DIDO1: variants seen among roughly 807,000 people sequenced by gnomAD.
DIDO1 encodes death inducer-obliterator 1.
A neutral mutation model predicts 99.4 loss-of-function variants in DIDO1; 16 were observed. The ratio of observed to expected loss-of-function variants is 0.16; its 90% CI spans 0.11 to 0.24. The LOEUF is 0.24. Among genes scored for constraint, DIDO1 ranks in the 10% least tolerant of loss-of-function variants. DIDO1 has a pLI of 1.00. For missense variants in DIDO1, 2,996 were observed against 3,014.0 expected, an observed-to-expected ratio of 0.99 and a Z score of 0.14; for synonymous variants, 1,366 against 1,239.1, an observed-to-expected ratio of 1.10 and a Z score of -2.15.
At chr20:62,905,798 T>C (rs776876337) in intron 6 of DIDO1, 89 bp downstream of exon 6, 1 of 1,613,242 alleles carries the variant, frequency 6.2e-7, no homozygotes. Flanking sequence ...AACACAAAGC[T>C]GCAACTCCCA....
rs567236889 is a variant in DIDO1 at position 62,920,449 on chromosome 20, T to TG, written c.-200+5989dup. ...GGCACTTTGAGGGAGAGGTGTGTAC[T>TG]GGAACAGCTTTACCGGTGACAGCGC... On this transcript the variant is annotated intron_variant, in intron 1 of 15. Coordinates refer to ENST00000395343, the MANE Select transcript of DIDO1 (RefSeq NM_001193369.2). Among the ~76,000 whole-genome samples the TG allele has an allele frequency of 4.9e-3, 745 of 152,294 alleles. 2 individuals are homozygous for TG. The highest frequency in any genetic ancestry group is 0.031 in the Middle Eastern group (9 of 294).
rs949518161 is a variant in DIDO1 at position 62,878,439 on chromosome 20, G to T, written c.*794C>A. On this transcript the variant is annotated 3_prime_UTR_variant, in exon 16 of 16. Transcript: ENST00000395343. ...AGCGTACTTTTCCCGGGATACAGAA[G>T]AACTGCTCAGAAGGCGAAACTGGAC... is the stretch of plus-strand genomic sequence containing the variant. The T allele has an allele frequency of 5.9e-5, 9 of 152,158 alleles. No individual in the cohort carries two copies. Among genetic ancestry groups the T allele is most frequent in the Non-Finnish European group, 1.3e-4 (9 of 68,038 alleles). 9.4% of individuals were successfully genotyped at this position (152,158 alleles called of 1,614,324 possible).
Position 62,881,371 on chromosome 20 carries a change from A to T in DIDO1, c.4585T>A (p.Leu1529Met). Residue 1529 changes from leucine to methionine, a missense_variant, in exon 16 of 16, where the codon TTG becomes ATG. Physicochemically the swap from Leu to Met is conservative, Grantham distance 15 (BLOSUM62 2). This residue lies in a region of DIDO1 where 1,562 missense variants were observed against 1,412.6 expected (regional missense o/e 1.11). Transcript: ENST00000395343. This position sits in a 1 kb window ranked among gnomAD's most constrained non-coding sequence, Gnocchi z 8.3. ...ALMSPPPKSS[L>M]PKAELFQQEQ... is the part of the protein sequence containing the mutation. ...TGCTGGAACAGCTCTGCCTTGGGCAAGGACGACTTTGGTGGTGGAGACATC... is the reference window on the plus strand; with the variant it reads ...TGCTGGAACAGCTCTGCCTTGGGCATGGACGACTTTGGTGGTGGAGACATC... 1 of 1,606,644 alleles carries T rather than the reference A, an allele frequency of 6.2e-7. No individual in the cohort carries two copies. The highest frequency in any genetic ancestry group is 8.5e-7 in the Non-Finnish European group (1 of 1,179,874).
intron 1 of DIDO1, among the ~76,000 whole-genome samples, chr20:62,918,233 G>C (rs2065073378): frequency 6.6e-6 from 1 of 152,220 alleles, no homozygotes; most frequent in Non-Finnish European, 1.5e-5. Context: ...GCATGGGTTT[G>C]CAACCACTGC....
At position 62,910,865 on chromosome 20, in the gene DIDO1, C is replaced by T; in HGVS notation, c.748G>A (p.Glu250Lys). Reference sequence around the variant, plus strand: ...TTCGGTCGGCCCAAGTCTCCAGGCTCCTCATCTTTGATGTCCTGAGCCGCC... The same window carrying T: ...TTCGGTCGGCCCAAGTCTCCAGGCTTCTCATCTTTGATGTCCTGAGCCGCC... ...GKAAQDIKDE[E>K]PGDLGRPKPE... Residue 250 changes from glutamate to lysine, a missense_variant, in exon 3 of 16, where the codon GAG becomes AAG. By Grantham distance (56) the Glu-to-Lys change is moderately conservative. Around this residue, in one of 5 missense-constraint regions of DIDO1, gnomAD observed 388 missense variants for 376.6 expected, o/e 1.03. Coordinates refer to ENST00000395343, the MANE Select transcript of DIDO1 (RefSeq NM_001193369.2). The T allele has an allele frequency of 1.2e-6, 2 of 1,613,956 alleles. No individual in the cohort carries two copies. Among genetic ancestry groups the T allele is most frequent in the Non-Finnish European group, 1.7e-6 (2 of 1,179,826 alleles).
At chr20:62,930,859 T>C (rs775157820), upstream of DIDO1, among the ~76,000 whole-genome samples, 24 of 152,238 alleles carry the variant, frequency 1.6e-4, no homozygotes, top group Non-Finnish European at 2.6e-4. Flanking sequence ...CAAAAGGAAC[T>C]TCTCATGGCA....
intron 1 of DIDO1, among the ~76,000 whole-genome samples, chr20:62,936,521 C>CA (rs1282404235): frequency 6.7e-6 from 1 of 150,018 alleles, no homozygotes; most frequent in Non-Finnish European, 1.5e-5. Context: ...TGACAGTGCA[C>CA]TCCAGCCTGG....
chr20:62,921,961 T>C (rs1269177489), intron 1 of DIDO1, among the ~76,000 whole-genome samples: 2 of 150,060 alleles, frequency 1.3e-5, no homozygotes, highest in Non-Finnish European at 3.0e-5. Flanking sequence ...ATGTCCACAA[T>C]ATATATACAC....
chr20:62,922,084 ACAC>A (rs2065155554), intron 1 of DIDO1, among the ~76,000 whole-genome samples: 1 of 143,876 alleles, frequency 7.0e-6, no homozygotes, highest in Non-Finnish European at 1.5e-5. Context: ...CACTATATAC[ACAC>A]TATATATACA....
rs185769028 is a variant in DIDO1 at position 62,878,133 on chromosome 20, G to C, written c.*1100C>G. 1 of 152,272 alleles carries C rather than the reference G, an allele frequency of 6.6e-6. No individual in the cohort carries two copies. The highest frequency in any genetic ancestry group is 1.9e-4 in the East Asian group (1 of 5,190). The allele number at this position is 152,272 out of a possible 1,614,324, so 9.4% of individuals were successfully genotyped here. A position where few individuals can be genotyped will look rare whatever the true frequency, so the allele number is the denominator to read the frequency against. ...TAACAGACTCCAAAGAACAAGTGAAGTTCTTTAATTTTACATCTGTAAAAG... is the reference window on the plus strand; with the variant it reads ...TAACAGACTCCAAAGAACAAGTGAACTTCTTTAATTTTACATCTGTAAAAG... On this transcript the variant is annotated 3_prime_UTR_variant, in exon 16 of 16. Coordinates refer to ENST00000395343, the MANE Select transcript of DIDO1 (RefSeq NM_001193369.2).
rs1568842125 is a variant in DIDO1, at chr20:62,893,522, A to G, written c.3101+144T>C. 5 of 1,017,024 alleles carry G rather than the reference A, an allele frequency of 4.9e-6. No homozygotes were observed. In the South Asian group the frequency reaches 6.1e-5, roughly 12 times the overall value. The allele number at this position is 1,017,024 out of a possible 1,614,324, so 63.0% of individuals were successfully genotyped here. The stretch of plus-strand genomic sequence containing the variant: ...CCAAAAGGACAATAAGGCACCCTAC[A>G]ACTGGGGCTTTTTAAAAGATGAAAG... On this transcript the variant is annotated intron_variant, in intron 12 of 15. Transcript: ENST00000395343.
At chr20:62,895,344 C>T (rs543240588) in intron 8 of DIDO1, among the ~76,000 whole-genome samples, 179 bp from the exon 9 acceptor site, 3 of 152,202 alleles carry the variant, frequency 2.0e-5, no homozygotes, top group East Asian at 1.9e-4. Flanking sequence ...ACTCCCCAAA[C>T]GGCCTTATGA....
At chr20:62,900,346 G>T (rs945193413) in intron 6 of DIDO1, among the ~76,000 whole-genome samples, 1 of 152,248 alleles carries the variant, frequency 6.6e-6, no homozygotes, top group African/African-American at 2.4e-5. Context: ...TCGTGCACAG[G>T]GATCAGCAGC....
chr20:62,907,621 C>T (rs1485284061), intron 4 of DIDO1, among the ~76,000 whole-genome samples: 1 of 152,268 alleles, frequency 6.6e-6, no homozygotes, highest in Non-Finnish European at 1.5e-5. Context: ...CTGCTCTGTG[C>T]ACCCCTCTCG....
Position 62,892,851 on chromosome 20 carries a change from A to G in DIDO1, c.3213T>C (p.Thr1071=), listed in dbSNP as rs764594804. 1 of 1,614,028 alleles carries G rather than the reference A, an allele frequency of 6.2e-7. No homozygotes were observed. The highest frequency in any genetic ancestry group is 1.3e-5 in the African/African-American group (1 of 74,930). The change falls in exon 13 of 16, where the codon ACT becomes ACC. Residue 1071 remains threonine, a synonymous_variant. Coordinates refer to ENST00000395343, the MANE Select transcript of DIDO1 (RefSeq NM_001193369.2). ...INMQSVAKFV[T]KAYPVSGCFD... ...AACACCCAGAGACAGGATACGCCTT[A>G]GTGACAAATTTTGCCACACTCTGCA... is the stretch of plus-strand genomic sequence containing the variant.
At chr20:62,910,063 AC>A (rs753008182) in intron 3 of DIDO1, 43 bp from the exon 4 acceptor site, 1 of 1,575,116 alleles carries the variant, frequency 6.3e-7, no homozygotes, top group Non-Finnish European at 8.6e-7. Flanking sequence ...GACGTGAGTG[AC>A]AAGCACTTTT....
rs1375762811 is a variant in DIDO1, at chr20:62,894,253, C to T, written c.2573-59G>A. 10 of 1,586,958 alleles carry T rather than the reference C, an allele frequency of 6.3e-6. No individual in the cohort carries two copies. Among genetic ancestry groups the T allele is most frequent in the Non-Finnish European group, 7.7e-6 (9 of 1,164,880 alleles). ...CCAGCCGGCACACTGGTGTTTCTCA[C>T]ACAAAGCCGAAAGCAATACTCTAAA... On this transcript the variant is annotated intron_variant, in intron 11 of 15. Transcript: ENST00000395343. The surrounding 1 kb of genome is among the most constrained non-coding windows in gnomAD (Gnocchi z 4.4).
chr20:62,897,051 C>A (rs2064552295), intron 6 of DIDO1, 55 bp from the exon 7 acceptor site: 10 of 1,504,106 alleles, frequency 6.6e-6, no homozygotes, highest in Non-Finnish European at 7.1e-6. Context: ...GGTGCTGTCA[C>A]CTGACTCTAA....
rs544182644 is a variant in DIDO1, at chr20:62,905,505, G to C, written c.1588+382C>G. 281 of 1,550,874 alleles carry C rather than the reference G, an allele frequency of 1.8e-4. 1 individual carries two copies. In the East Asian group the frequency reaches 4.3e-3, roughly 24 times the overall value. On this transcript the variant is annotated intron_variant, in intron 6 of 15. Coordinates refer to ENST00000395343, the MANE Select transcript of DIDO1 (RefSeq NM_001193369.2). ...TGAAGCGTATACAGCGCTGTTGTCAGAACAACTCATGTGCAGACAGGGGTG... is the reference window on the plus strand; with the variant it reads ...TGAAGCGTATACAGCGCTGTTGTCACAACAACTCATGTGCAGACAGGGGTG...
Sources: gnomAD v4.1 joint callset for allele counts (sites outside exome capture counted in the v4.1 genomes callset) on GRCh38, gnomAD v4.1.1 for gene constraint, gnomAD v4.1.1 regional missense constraint, Gnocchi (gnomAD v3.1) non-coding constraint, MANE v1.5 for transcripts, NCBI Gene and HGNC (gene_info 2026-07-23, HGNC 2026-07-21) for gene names.